The following MED13 variants were observed in gnomAD, a reference collection of about 807,000 sequenced individuals.
MED13 encodes mediator of RNA polymerase II transcription subunit 13.
In MED13, 23 loss-of-function variants were observed where a neutral mutation model predicts 225.2. The observed-to-expected ratio is 0.10, with a 90% CI of 0.07 to 0.14. The LOEUF is 0.14. MED13 is among the 10% of genes least tolerant of loss of function. MED13 has a pLI of 1.00. For missense variants in MED13, 2,197 were observed against 2,594.5 expected (o/e 0.85, Z 3.33); for synonymous variants, 942 against 889.2 (o/e 1.06, Z -1.06).
chr17:62,000,751 T>G (rs912767506), intron 9 of MED13, among the ~76,000 whole-genome samples: 5 of 152,116 alleles, frequency 3.3e-5, no homozygotes, highest in Non-Finnish European at 7.4e-5. Context: ...GGTGTATCAA[T>G]AGTTTTGTTT....
intron 11 of MED13, among the ~76,000 whole-genome samples, chr17:61,987,653 T>A (rs929705706): frequency 2.6e-5 from 4 of 152,188 alleles, no homozygotes; most frequent in Admixed American, 2.6e-4. Context: ...AGGTAATCCA[T>A]AAAATAGCTA....
intron 18 of MED13, among the ~76,000 whole-genome samples, chr17:61,967,001 T>C (rs1403671735): frequency 6.6e-6 from 1 of 152,144 alleles, no homozygotes; most frequent in African/African-American, 2.4e-5. Flanking sequence ...ATGCAGTCAT[T>C]TTAGGTATAC....
chr17:62,030,123 A>G, intron 6 of MED13, 110 bp from the exon 7 acceptor site: 1 of 1,030,160 alleles, frequency 9.7e-7, no homozygotes, highest in Non-Finnish European at 1.3e-6. Context: ...CTATCTGGTA[A>G]AATTATTTAT....
At chr17:62,008,379 G>C (rs892388741) in intron 9 of MED13, among the ~76,000 whole-genome samples, 5 of 149,108 alleles carry the variant, frequency 3.4e-5, no homozygotes, top group Admixed American at 2.7e-4. Context: ...CACAAGGACT[G>C]GAAAAAAGAT....
At position 61,973,181 on chromosome 17, in the gene MED13, T is replaced by C. The variant is rs79432365; in HGVS notation, c.3806-293A>G. On this transcript the variant is annotated intron_variant, in intron 16 of 29. Coordinates refer to ENST00000397786, the MANE Select transcript of MED13 (RefSeq NM_005121.3). ...TATAAATTAATCAAATAAATTTCTT[T>C]CTTTTTGCATTTATGTTGGCTGTTT... is the stretch of plus-strand genomic sequence containing the variant. Among the ~76,000 whole-genome samples the C allele has an allele frequency of 3.7e-3, 566 of 152,352 alleles. 2 individuals carry two copies. The highest frequency in any genetic ancestry group is 0.012 in the African/African-American group (514 of 41,580).
At chr17:62,015,965 T>TATATATATA (rs1567980172) in intron 8 of MED13, among the ~76,000 whole-genome samples, 4 of 37,568 alleles carry the variant, frequency 1.1e-4, no homozygotes, top group African/African-American at 6.3e-4. Flanking sequence ...TTTTTTTTTT[T>TATATATATA]TTTTTTTTTT....
Position 62,064,967 on chromosome 17 carries a change from G to A in MED13, c.66+173C>T, listed in dbSNP as rs2081069705. 2.6e-5 allele frequency among the ~76,000 whole-genome samples: 4 copies of A among 152,222 alleles called. No individual in the cohort carries two copies. The South Asian group carries it at 8.3e-4, about 32-fold the overall frequency. ...CCCCTAAACAGAGCCCGGGACCGTA[G>A]GAGAGCGAACGCCGCCTCCCGGGGC... On this transcript the variant is annotated intron_variant, in intron 1 of 29. Coordinates refer to ENST00000397786, the MANE Select transcript of MED13 (RefSeq NM_005121.3).
At chr17:62,060,366 T>C (rs1466061346) in intron 2 of MED13, among the ~76,000 whole-genome samples, 4 of 152,054 alleles carry the variant, frequency 2.6e-5, no homozygotes, top group Admixed American at 2.6e-4. Flanking sequence ...CTCCTGCCTG[T>C]AATCCCAGCA....
In MED13 at chr17:61,951,004, A is replaced by C. The variant is rs762108239; in HGVS notation, c.6118-6T>G. On this transcript the variant is annotated splice_polypyrimidine_tract_variant and splice_region_variant and intron_variant, in intron 27 of 29. Transcript: ENST00000397786. ...AGCCGATCAGTACTCTGACCCTTAA[A>C]AAGACAAAATTAAAAGTATATTAGT... 12 of 1,605,712 alleles carry C rather than the reference A, an allele frequency of 7.5e-6. No homozygotes were observed. In the Admixed American group the frequency reaches 2.0e-4, roughly 27 times the overall value.
Position 61,956,354 on chromosome 17 carries a change from G to A in MED13, c.5608C>T (p.His1870Tyr). 1 of 1,611,154 alleles carries A rather than the reference G, an allele frequency of 6.2e-7. No individual in the cohort carries two copies. The highest frequency in any genetic ancestry group is 8.5e-7 in the Non-Finnish European group (1 of 1,179,260). The change falls in exon 24 of 30, where the codon CAT (histidine) becomes TAT (tyrosine). Residue 1870 changes from histidine to tyrosine, a missense_variant. By Grantham distance (83) the His-to-Tyr change is moderately conservative. This residue lies in a region of MED13 where 216 missense variants were observed against 388.9 expected (regional missense o/e 0.56). Transcript: ENST00000397786. ...VVIGRLGRIGHGELKDWSCLL... is the reference protein window; with the variant it reads ...VVIGRLGRIGYGELKDWSCLL... ...ACAATTTTACCTTTCAATTCTCCAT[G>A]ACCAATCCTTCCTAGACGACCAATT...
At chr17:61,993,078 T>A (rs1170650679) in intron 10 of MED13, among the ~76,000 whole-genome samples, 1 of 151,990 alleles carries the variant, frequency 6.6e-6, no homozygotes, top group Non-Finnish European at 1.5e-5. Flanking sequence ...GGTATGTTTA[T>A]CTTATAGACA....
At chr17:62,028,669 G>A (rs948938531) in intron 8 of MED13, among the ~76,000 whole-genome samples, 3 of 150,782 alleles carry the variant, frequency 2.0e-5, no homozygotes, top group Admixed American at 6.6e-5. Flanking sequence ...GTGAAACCCT[G>A]TCTCTACTTT....
At chr17:61,961,232 TATC>T in intron 22 of MED13, 142 bp from the exon 23 acceptor site, 1 of 793,826 alleles carries the variant, frequency 1.3e-6, no homozygotes, top group South Asian at 1.9e-5. Flanking sequence ...TTTTGCATAG[TATC>T]ATAAAAATGT....
At chr17:62,009,538 T>C (rs1038765080) in intron 9 of MED13, among the ~76,000 whole-genome samples, 2 of 152,228 alleles carry the variant, frequency 1.3e-5, no homozygotes, top group Non-Finnish European at 2.9e-5. Flanking sequence ...ACATTTTGCA[T>C]GCTGTAAATT....
intron 2 of MED13, among the ~76,000 whole-genome samples, chr17:62,061,592 TAC>T (rs1468802188): frequency 6.6e-6 from 1 of 152,228 alleles, no homozygotes; most frequent in Non-Finnish European, 1.5e-5. Context: ...AACAATGTTA[TAC>T]AGTCTCCAAA....
At position 62,043,224 on chromosome 17, in the gene MED13, C is replaced by A. The variant is rs373614744; in HGVS notation, c.471-7616G>T. On this transcript the variant is annotated intron_variant, in intron 3 of 29. Transcript: ENST00000397786. ...AAGAAAAATTATTGTAAGAAAACCT[C>A]AACAAGGAGGAAAAATAGGAGAAGT... Among the ~76,000 whole-genome samples, 12 of 132,674 alleles carry A rather than the reference C, an allele frequency of 9.0e-5. No individual in the cohort carries two copies. The East Asian group carries it at 9.8e-4, about 11-fold the overall frequency. 87.0% of individuals were successfully genotyped at this position (132,674 alleles called of 152,430 possible). A position where few individuals can be genotyped will look rare whatever the true frequency, so the allele number is the denominator to read the frequency against.
rs73991960 is a variant in MED13, at chr17:62,013,338, C to T, written c.1284-2105G>A. 6.1e-3 allele frequency among the ~76,000 whole-genome samples: 935 copies of T among 152,176 alleles called. 11 individuals carry two copies. Among genetic ancestry groups the T allele is most frequent in the African/African-American group, 0.021 (865 of 41,522 alleles). On this transcript the variant is annotated intron_variant, in intron 8 of 29. Coordinates refer to ENST00000397786, the MANE Select transcript of MED13 (RefSeq NM_005121.3). ...AGCAAAATATAAAAGAATAACACAT[C>T]ATGACCAAATGAAGTTAATTCTGGG... is the stretch of plus-strand genomic sequence containing the variant.
intron 2 of MED13, among the ~76,000 whole-genome samples, chr17:62,056,697 G>C (rs2080998922): frequency 6.6e-6 from 1 of 152,120 alleles, no homozygotes; most frequent in Non-Finnish European, 1.5e-5. Context: ...GGAGTCGGAG[G>C]CTGCAGTGAG....
At chr17:62,061,946 C>T (rs1473999288) in intron 2 of MED13, among the ~76,000 whole-genome samples, 1 of 152,182 alleles carries the variant, frequency 6.6e-6, no homozygotes, top group Non-Finnish European at 1.5e-5. Context: ...AGAGTATGTT[C>T]ATTAGAATGT....
Sources: allele counts gnomAD v4.1 joint callset (sites outside exome capture counted in the v4.1 genomes callset), GRCh38; gene constraint gnomAD v4.1.1; regional missense constraint gnomAD v4.1.1; transcripts MANE v1.5; gene names NCBI Gene and HGNC (gene_info 2026-07-23, HGNC 2026-07-21).